The following HBP1 variants were observed in gnomAD, a reference collection of about 807,000 sequenced individuals.
HBP1 encodes HMG-box transcription factor 1, also known as HMG box-containing protein 1.
HBP1 carries 20 observed loss-of-function variants against 62.6 expected under a neutral mutation model. The observed-to-expected ratio is 0.32, with a 90% CI of 0.22 to 0.46. The LOEUF (loss-of-function observed/expected upper bound fraction) is 0.46, where lower values mean the gene tolerates loss of function less well. HBP1 is among the 20% of genes least tolerant of loss of function. The pLI is 1.00. For synonymous variants in HBP1, 232 were observed against 206.2 expected (o/e 1.12, Z -1.07); for missense variants, 480 against 611.8 (o/e 0.78, Z 2.27).
At chr7:107,180,627 G>A (rs1213131265) in intron 2 of HBP1, among the ~76,000 whole-genome samples, 1 of 152,184 alleles carries the variant, frequency 6.6e-6, no homozygotes, top group Non-Finnish European at 1.5e-5. Context: ...GCTTGGCTTT[G>A]CCCCCATTTA....
chr7:107,195,563 C>T (rs927208392), intron 8 of HBP1, among the ~76,000 whole-genome samples: 2 of 152,134 alleles, frequency 1.3e-5, no homozygotes, highest in African/African-American at 4.8e-5. Context: ...CTGATTATAA[C>T]ATTCCTTTGG....
Position 107,194,495 on chromosome 7 carries a change from G to A in HBP1, c.1068-1339G>A, listed in dbSNP as rs538621303. 2.6e-5 allele frequency among the ~76,000 whole-genome samples: 4 copies of A among 152,296 alleles called. No homozygotes were observed. In the South Asian group the frequency reaches 8.3e-4, roughly 32 times the overall value. On this transcript the variant is annotated intron_variant, in intron 8 of 10. Coordinates refer to ENST00000222574, the MANE Select transcript of HBP1 (RefSeq NM_012257.4). ...TTCATGAGGTAATTTTGGAGTCATAGTTTAAGTACATTTATTTCATGCAAT... is the reference window on the plus strand; with the variant it reads ...TTCATGAGGTAATTTTGGAGTCATAATTTAAGTACATTTATTTCATGCAAT...
chr7:107,183,392 A>C (rs971587957), intron 3 of HBP1, among the ~76,000 whole-genome samples: 2 of 152,192 alleles, frequency 1.3e-5, no homozygotes, highest in Admixed American at 6.5e-5. Flanking sequence ...TTAGGTATGA[A>C]ATCTCACTTT....
intron 10 of HBP1, 46 bp from the exon 11 acceptor site, chr7:107,201,368 T>C (rs772059782): frequency 1.7e-6 from 2 of 1,202,994 alleles, no homozygotes; most frequent in Admixed American, 3.5e-5. Flanking sequence ...AGGATTACTA[T>C]GTATTGATTT....
chr7:107,194,041 G>A (rs1797775100), intron 8 of HBP1, among the ~76,000 whole-genome samples: 1 of 152,218 alleles, frequency 6.6e-6, no homozygotes, highest in South Asian at 2.1e-4. Flanking sequence ...AAGTAGAGCT[G>A]TGAAAGGCAC....
intron 1 of HBP1, chr7:107,174,527 TAC>T: frequency 1.0e-6 from 1 of 985,182 alleles, no homozygotes; most frequent in Non-Finnish European, 1.2e-6. Flanking sequence ...TAGTGTACTA[TAC>T]TTGGTGAATG....
intron 9 of HBP1, among the ~76,000 whole-genome samples, chr7:107,198,159 T>C (rs1457791014): frequency 6.6e-6 from 1 of 152,194 alleles, no homozygotes; most frequent in East Asian, 1.9e-4. Context: ...TTTTGTTTTC[T>C]GATCTTTTTA....
chr7:107,176,907 A>C (rs1044658613), intron 1 of HBP1, among the ~76,000 whole-genome samples: 2 of 152,182 alleles, frequency 1.3e-5, no homozygotes, highest in South Asian at 2.1e-4. Context: ...ATTTCTTCCA[A>C]ATTTCATCTT....
intron 6 of HBP1, 152 bp downstream of exon 6, chr7:107,186,833 T>G: frequency 1.6e-6 from 1 of 613,512 alleles, no homozygotes. Flanking sequence ...CATTGCTTAG[T>G]CTGATGGGGA....
chr7:107,169,141 G>C lies in HBP1; in HGVS notation c.-60G>C. On this transcript the variant is annotated 5_prime_UTR_variant, in exon 1 of 11. Coordinates refer to ENST00000222574, the MANE Select transcript of HBP1 (RefSeq NM_012257.4). ...TACGAGAGCTGCTGGTGGTGTTGTC[G>C]TGGCCGGAGCGGCCCGCGCCTGGGC... 2.5e-6 allele frequency: 3 copies of C among 1,219,666 alleles called. No homozygotes were observed. The highest frequency in any genetic ancestry group is 3.2e-6 in the Non-Finnish European group (3 of 950,002). 75.6% of individuals were successfully genotyped at this position (1,219,666 alleles called of 1,614,324 possible).
chr7:107,182,281 A>G (rs1477574880), intron 2 of HBP1, 92 bp from the exon 3 acceptor site: 3 of 682,420 alleles, frequency 4.4e-6, no homozygotes, highest in African/African-American at 1.8e-5. Flanking sequence ...TTAATTAGCT[A>G]AAATTGAGGA....
chr7:107,198,090 T>A (rs1352098765), intron 9 of HBP1, among the ~76,000 whole-genome samples: 1 of 152,218 alleles, frequency 6.6e-6, no homozygotes, highest in Non-Finnish European at 1.5e-5. Context: ...TATTTCCAAT[T>A]CTGGGGAACT....
intron 6 of HBP1, among the ~76,000 whole-genome samples, chr7:107,187,841 C>G (rs1023230320): frequency 2.6e-5 from 4 of 152,198 alleles, no homozygotes; most frequent in African/African-American, 9.7e-5. Context: ...CATCCTGATT[C>G]TCAGTCTTTT....
At chr7:107,199,373 C>T (rs753008744) in intron 9 of HBP1, among the ~76,000 whole-genome samples, 5 of 152,178 alleles carry the variant, frequency 3.3e-5, no homozygotes, top group African/African-American at 9.7e-5. Context: ...TGAGTCACAA[C>T]GTCCAGCCCA....
intron 8 of HBP1, 82 bp from the exon 9 acceptor site, chr7:107,195,752 T>C: frequency 2.5e-6 from 1 of 399,200 alleles, no homozygotes; most frequent in Non-Finnish European, 3.8e-6. Flanking sequence ...GATGTTTTCT[T>C]TTTTTTTTTT....
chr7:107,197,639 G>C (rs1028066928), intron 9 of HBP1, among the ~76,000 whole-genome samples: 2 of 152,122 alleles, frequency 1.3e-5, no homozygotes, highest in Non-Finnish European at 2.9e-5. Context: ...CAAAATGCTG[G>C]GATTACAGGC....
At chr7:107,174,154 G>A (rs1796729145) in intron 1 of HBP1, among the ~76,000 whole-genome samples, 1 of 152,224 alleles carries the variant, frequency 6.6e-6, no homozygotes, top group Admixed American at 6.5e-5. Flanking sequence ...TGTGAGGTAA[G>A]TAGAGGGACC....
Position 107,171,073 on chromosome 7 carries a change from A to ATATATATATATATTTTTT in HBP1, c.-16+1889_-16+1890insATATATATATATTTTTTT. ...TATATATATATATATATATATATAT[A>ATATATATATATATTTTTT]TTTTTTTTTTTTTTTGAGAGGGAGT... On this transcript the variant is annotated intron_variant, in intron 1 of 10. Transcript: ENST00000222574. Among the ~76,000 whole-genome samples the ATATATATATATATTTTTT allele has an allele frequency of 6.4e-4, 56 of 87,198 alleles. 6 individuals carry two copies. Among genetic ancestry groups the ATATATATATATATTTTTT allele is most frequent in the African/African-American group, 3.3e-3 (50 of 15,122 alleles). The allele number at this position is 87,198 out of a possible 152,430, so 57.2% of individuals were successfully genotyped here. A position where few individuals can be genotyped will look rare whatever the true frequency, so the allele number is the denominator to read the frequency against.
intron 8 of HBP1, among the ~76,000 whole-genome samples, chr7:107,192,162 C>T (rs1797682763): frequency 6.6e-6 from 1 of 151,716 alleles, no homozygotes. Context: ...TTCTGCTTGG[C>T]ACATAACAAA....
Sources: gnomAD v4.1 joint callset for allele counts (sites outside exome capture counted in the v4.1 genomes callset) on GRCh38, gnomAD v4.1.1 for gene constraint, MANE v1.5 for transcripts, NCBI Gene and HGNC (gene_info 2026-07-23, HGNC 2026-07-21) for gene names.